CRACD: variants seen among roughly 807,000 people sequenced by gnomAD.
The protein encoded by CRACD is capping protein inhibiting regulator of actin dynamics.
In CRACD, 56 loss-of-function variants were observed where a neutral mutation model predicts 106.8. The ratio of observed to expected loss-of-function variants is 0.52; its 90% CI spans 0.42 to 0.66. The LOEUF (loss-of-function observed/expected upper bound fraction) is 0.66, where lower values mean the gene tolerates loss of function less well. CRACD is among the 30% of genes least tolerant of loss of function. The probability of loss-of-function intolerance (pLI) is 0.00; values close to 1 mark genes in which losing one functional copy is unlikely to be tolerated. For synonymous variants in CRACD, 754 were observed against 670.8 expected, an observed-to-expected ratio of 1.12 and a Z score of -1.92; for missense variants, 1,730 against 1,623.2, an observed-to-expected ratio of 1.07 and a Z score of -1.13.
At chr4:56,177,462 G>A (rs944867039) in intron 1 of CRACD, among the ~76,000 whole-genome samples, 5 of 152,142 alleles carry the variant, frequency 3.3e-5, no homozygotes, top group African/African-American at 4.8e-5. Flanking sequence ...TGGTTTGATG[G>A]TATTTTGTTG....
At chr4:56,127,990 T>C (rs1392736368) in intron 1 of CRACD, among the ~76,000 whole-genome samples, 1 of 152,176 alleles carries the variant, frequency 6.6e-6, no homozygotes, top group Non-Finnish European at 1.5e-5. Context: ...GGGGAAAATA[T>C]GACTGTTTTC....
intron 1 of CRACD, among the ~76,000 whole-genome samples, chr4:56,098,965 C>T: frequency 6.6e-6 from 1 of 152,172 alleles, no homozygotes; most frequent in Non-Finnish European, 1.5e-5. Flanking sequence ...AGGTGTGAGC[C>T]ATGGTGCCCA....
intron 2 of CRACD, among the ~76,000 whole-genome samples, chr4:56,267,127 T>C (rs977875761): frequency 3.9e-5 from 6 of 152,050 alleles, no homozygotes; most frequent in Admixed American, 1.3e-4. Context: ...TATTTAAGTT[T>C]TTTTTTTTTT....
intron 2 of CRACD, among the ~76,000 whole-genome samples, chr4:56,235,348 G>T (rs897075278): frequency 6.6e-6 from 1 of 152,214 alleles, no homozygotes; most frequent in Non-Finnish European, 1.5e-5. Flanking sequence ...CTTTCATTTT[G>T]TGAGATGTCT....
chr4:56,119,173 T>G (rs1348161352), intron 1 of CRACD, among the ~76,000 whole-genome samples: 2 of 152,180 alleles, frequency 1.3e-5, no homozygotes, highest in African/African-American at 4.8e-5. Flanking sequence ...ACGGCAGAGT[T>G]AGAACTATCT....
At chr4:56,141,862 TA>T (rs1195630448) in intron 1 of CRACD, among the ~76,000 whole-genome samples, 13 of 150,330 alleles carry the variant, frequency 8.6e-5, no homozygotes, top group East Asian at 2.0e-4. Flanking sequence ...TTGGCTAGTT[TA>T]AAAAAAAATT....
chr4:56,197,846 T>A lies in CRACD; in HGVS notation c.-189+18416T>A, dbSNP rs575640642. ...GCACCCGCCATCACGCCCGGCTAAT[T>A]TTTTGTATTTTTAGTAGAGACGGGG... On this transcript the variant is annotated intron_variant, in intron 2 of 10. Transcript: ENST00000682029. Among the ~76,000 whole-genome samples the A allele has an allele frequency of 1.8e-4, 28 of 152,174 alleles. 1 individual carries two copies. In the South Asian group the frequency reaches 5.0e-3, roughly 27 times the overall value.
intron 3 of CRACD, among the ~76,000 whole-genome samples, chr4:56,272,899 A>AG (rs1491442833): frequency 5.6e-5 from 1 of 17,852 alleles, no homozygotes; most frequent in Non-Finnish European, 1.1e-4. Context: ...ACTCTGCCTC[A>AG]AAAAAAAAAA....
chr4:56,133,306 G>A (rs377523869), intron 1 of CRACD, among the ~76,000 whole-genome samples: 1 of 152,198 alleles, frequency 6.6e-6, no homozygotes, highest in Non-Finnish European at 1.5e-5. Context: ...TGTAGTGTGG[G>A]TAAGGCAATA....
chr4:56,242,669 A>T (rs952097600), intron 2 of CRACD, among the ~76,000 whole-genome samples: 7 of 152,084 alleles, frequency 4.6e-5, no homozygotes, highest in African/African-American at 1.7e-4. Context: ...AAGGACAGGG[A>T]TTTTAGGAGA....
chr4:56,085,251 C>T (rs1190498070), intron 1 of CRACD, among the ~76,000 whole-genome samples: 13 of 152,086 alleles, frequency 8.5e-5, no homozygotes, highest in East Asian at 5.8e-4. Flanking sequence ...ATTTCCTTCC[C>T]GTTTGACATT....
chr4:56,086,116 A>G (rs1483808846), intron 1 of CRACD, among the ~76,000 whole-genome samples: 4 of 152,132 alleles, frequency 2.6e-5, no homozygotes, highest in African/African-American at 9.7e-5. Flanking sequence ...TTCACTTACA[A>G]AAAGGGAAGC....
intron 2 of CRACD, among the ~76,000 whole-genome samples, chr4:56,250,035 G>T (rs1045321695): frequency 6.6e-6 from 1 of 152,096 alleles, no homozygotes; most frequent in Admixed American, 6.6e-5. Context: ...TTCCATCTTC[G>T]AAGTAAATCT....
At chr4:56,096,453 CT>C (rs140106521) in intron 1 of CRACD, among the ~76,000 whole-genome samples, 10,526 of 152,112 alleles carry the variant, frequency 0.069, 726 homozygotes, top group African/African-American at 0.16. Context: ...TGTCTCACAT[CT>C]GTATTCACAG....
chr4:56,251,222 A>G (rs1384718501), intron 2 of CRACD, among the ~76,000 whole-genome samples: 1 of 152,288 alleles, frequency 6.6e-6, no homozygotes, highest in Non-Finnish European at 1.5e-5. Context: ...CTGCCTGGTC[A>G]AGTGTGTAGA....
chr4:56,194,716 A>G (rs1025356484), intron 2 of CRACD, among the ~76,000 whole-genome samples: 1 of 152,220 alleles, frequency 6.6e-6, no homozygotes, highest in African/African-American at 2.4e-5. Flanking sequence ...CCAGACACCA[A>G]ATCTGGAGCC....
intron 1 of CRACD, among the ~76,000 whole-genome samples, chr4:56,177,208 C>G (rs1736621772): frequency 6.6e-6 from 1 of 152,164 alleles, no homozygotes; most frequent in Non-Finnish European, 1.5e-5. Flanking sequence ...TTTTGTCATA[C>G]ACGGACTTTA....
At chr4:56,107,978 G>T (rs1734003987) in intron 1 of CRACD, among the ~76,000 whole-genome samples, 1 of 152,192 alleles carries the variant, frequency 6.6e-6, no homozygotes, top group Admixed American at 6.5e-5. Flanking sequence ...GACTATGTTA[G>T]ATCTAAGCAT....
chr4:56,172,295 C>A (rs11133427), intron 1 of CRACD, among the ~76,000 whole-genome samples: 54,849 of 151,950 alleles, frequency 0.36, 10,126 homozygotes, highest in Middle Eastern at 0.42. Context: ...TGATGGGAAC[C>A]TAATTCTGCA....
Sources: gnomAD v4.1 joint callset for allele counts (sites outside exome capture counted in the v4.1 genomes callset) on GRCh38, gnomAD v4.1.1 for gene constraint, MANE v1.5 for transcripts, NCBI Gene and HGNC (gene_info 2026-07-23, HGNC 2026-07-21) for gene names.